Variants in AHI1 observed in about 807,000 individuals in gnomAD.
The protein encoded by AHI1 is jouberin.
Under a neutral mutation model 149.3 loss-of-function variants are expected in AHI1, and 123 were observed. The observed-to-expected ratio is 0.82, with a 90% CI of 0.71 to 0.96. The LOEUF (loss-of-function observed/expected upper bound fraction) is 0.96, where lower values mean the gene tolerates loss of function less well. Ranked by LOEUF, AHI1 falls within the 40% of genes least tolerant of loss-of-function variation. The probability of loss-of-function intolerance (pLI) is 0.00; values close to 1 mark genes in which losing one functional copy is unlikely to be tolerated. For missense variants in AHI1, 1,439 were observed against 1,422.7 expected (o/e 1.01, Z -0.18); for synonymous variants, 475 against 459.8 (o/e 1.03, Z -0.42).
chr6:135,458,681 C>A (rs186308181), intron 8 of AHI1, among the ~76,000 whole-genome samples: 3 of 152,068 alleles, frequency 2.0e-5, no homozygotes, highest in South Asian at 2.1e-4. Context: ...GAGAAACCAG[C>A]GGATATTTTG....
chr6:135,414,064 C>A (rs901520582), intron 20 of AHI1, among the ~76,000 whole-genome samples: 2 of 152,090 alleles, frequency 1.3e-5, no homozygotes, highest in Non-Finnish European at 2.9e-5. Flanking sequence ...GAAAAGAATA[C>A]CTGACTTCAA....
intron 25 of AHI1, among the ~76,000 whole-genome samples, chr6:135,318,855 AT>A (rs1249727569): frequency 6.6e-6 from 1 of 152,194 alleles, no homozygotes; most frequent in African/African-American, 2.4e-5. Flanking sequence ...AGAAGGTGTC[AT>A]TTTCACTTAT....
intron 23 of AHI1, among the ~76,000 whole-genome samples, chr6:135,363,800 T>TG (rs1794362132): frequency 7.7e-6 from 1 of 129,054 alleles, no homozygotes; most frequent in South Asian, 2.7e-4. Flanking sequence ...GACGGGGTGG[T>TG]GGCCGGGCAG....
At position 135,355,892 on chromosome 6, in the gene AHI1, CTG is replaced by C. The variant is rs549790650; in HGVS notation, c.3165+2238_3165+2239del. Among the ~76,000 whole-genome samples the C allele has an allele frequency of 1.9e-3, 283 of 151,770 alleles. 1 individual carries two copies. The highest frequency in any genetic ancestry group is 6.7e-3 in the African/African-American group (275 of 41,194). ...CCAGCCTGGGCAACAGAGCGAGACT[CTG>C]TCTCAAAAAAACAAACAAACAAACA... On this transcript the variant is annotated intron_variant, in intron 24 of 28. Coordinates refer to ENST00000265602, the MANE Select transcript of AHI1 (RefSeq NM_001134831.2).
intron 13 of AHI1, among the ~76,000 whole-genome samples, chr6:135,443,224 G>A (rs574051806): frequency 2.6e-5 from 4 of 152,064 alleles, no homozygotes; most frequent in African/African-American, 9.6e-5. Context: ...GTAATCAATC[G>A]GCCCTTATTG....
intron 5 of AHI1, 128 bp from the exon 6 acceptor site, chr6:135,467,762 G>C: frequency 1.7e-6 from 1 of 586,820 alleles, no homozygotes. Flanking sequence ...TGGACATAGT[G>C]ATACTATCTT....
chr6:135,285,250 T>A lies in AHI1; in HGVS notation c.*395A>T, dbSNP rs1010506274. On this transcript the variant is annotated 3_prime_UTR_variant, in exon 29 of 29. Transcript: ENST00000265602. ...GGGCATAGCATCACACATACAACCATTACCAATATAATAATATTAAATGAT... is the reference window on the plus strand; with the variant it reads ...GGGCATAGCATCACACATACAACCAATACCAATATAATAATATTAAATGAT... The A allele has an allele frequency of 1.3e-5, 3 of 233,596 alleles. No individual in the cohort carries two copies. Among genetic ancestry groups the A allele is most frequent in the African/African-American group, 7.1e-5 (3 of 42,200 alleles). The allele number at this position is 233,596 out of a possible 1,614,324, so 14.5% of individuals were successfully genotyped here.
At chr6:135,466,545 C>T (rs1019081250) in intron 6 of AHI1, among the ~76,000 whole-genome samples, 172 bp from the exon 7 acceptor site, 1 of 152,132 alleles carries the variant, frequency 6.6e-6, no homozygotes, top group African/African-American at 2.4e-5. Flanking sequence ...ATAATTTATG[C>T]TTCCAGAATT....
chr6:135,482,454 T>C (rs1486807951), intron 5 of AHI1, among the ~76,000 whole-genome samples: 2 of 151,806 alleles, frequency 1.3e-5, no homozygotes, highest in Non-Finnish European at 2.9e-5. Context: ...GGACAGGCCA[T>C]GCCAGCCCAC....
chr6:135,435,819 T>C (rs1018689064), intron 15 of AHI1, among the ~76,000 whole-genome samples: 7 of 152,070 alleles, frequency 4.6e-5, no homozygotes, highest in Admixed American at 3.9e-4. Context: ...GCAAACGCAA[T>C]AGAGAGGACG....
At chr6:135,380,144 A>T (rs529384131) in intron 23 of AHI1, among the ~76,000 whole-genome samples, 1 of 149,296 alleles carries the variant, frequency 6.7e-6, no homozygotes, top group Admixed American at 6.7e-5. Flanking sequence ...ACCCAACCCT[A>T]CTCCTCAGGT....
chr6:135,294,291 A>G lies in AHI1; in HGVS notation c.3486-3766T>C, dbSNP rs187623183. ...TAGTGAGCCGAGATCATGCCATTGC[A>G]CTCCAGCCCGGGTGACAGTGCAAGA... On this transcript the variant is annotated intron_variant, in intron 27 of 28. Transcript: ENST00000265602. Among the ~76,000 whole-genome samples, 5 of 152,080 alleles carry G rather than the reference A, an allele frequency of 3.3e-5. 1 individual carries two copies. The highest frequency in any genetic ancestry group is 1.3e-4 in the Admixed American group (2 of 15,272).
In AHI1 at chr6:135,300,197, T is replaced by C. The variant is rs1159119805; in HGVS notation, c.3485+303A>G. Among the ~76,000 whole-genome samples the C allele has an allele frequency of 2.6e-5, 4 of 151,916 alleles. No homozygotes were observed. The East Asian group carries it at 7.7e-4, about 29-fold the overall frequency. On this transcript the variant is annotated intron_variant, in intron 27 of 28. Coordinates refer to ENST00000265602, the MANE Select transcript of AHI1 (RefSeq NM_001134831.2). ...AAAATTAGCTGGGTGCGGAGGTGCG[T>C]GCCTGTAATCCCAGCTACTTGGGAG...
chr6:135,481,461 A>G (rs1041496003), intron 5 of AHI1, among the ~76,000 whole-genome samples: 1 of 152,082 alleles, frequency 6.6e-6, no homozygotes, highest in African/African-American at 2.4e-5. Flanking sequence ...AAAACGCTCA[A>G]ATGAGCATTT....
chr6:135,309,088 A>G (rs1184787695), intron 26 of AHI1, among the ~76,000 whole-genome samples: 1 of 152,232 alleles, frequency 6.6e-6, no homozygotes, highest in African/African-American at 2.4e-5. Context: ...AAGCAGTCAA[A>G]CAAGTTGCCA....
At chr6:135,304,359 C>G (rs532665077) in intron 26 of AHI1, among the ~76,000 whole-genome samples, 1 of 152,184 alleles carries the variant, frequency 6.6e-6, no homozygotes, top group Non-Finnish European at 1.5e-5. Flanking sequence ...GGCCTGATTT[C>G]AGAATTACTG....
intron 20 of AHI1, among the ~76,000 whole-genome samples, chr6:135,424,721 A>T (rs1164446346): frequency 6.6e-6 from 1 of 152,028 alleles, no homozygotes; most frequent in Non-Finnish European, 1.5e-5. Context: ...TGAAAGATGG[A>T]TGATACATTT....
intron 26 of AHI1, among the ~76,000 whole-genome samples, chr6:135,311,481 A>C (rs1359333590): frequency 6.6e-6 from 1 of 152,156 alleles, no homozygotes; most frequent in African/African-American, 2.4e-5. Context: ...AGCAGGACAG[A>C]AGACTAATTT....
intron 24 of AHI1, among the ~76,000 whole-genome samples, chr6:135,339,751 G>T (rs1790004073): frequency 6.6e-6 from 1 of 152,058 alleles, no homozygotes; most frequent in African/African-American, 2.4e-5. Context: ...CAGAGAAAGG[G>T]GAAAAATGAC....
Sources: gnomAD v4.1 joint callset for allele counts (sites outside exome capture counted in the v4.1 genomes callset) on GRCh38, gnomAD v4.1.1 for gene constraint, MANE v1.5 for transcripts, NCBI Gene and HGNC (gene_info 2026-07-23, HGNC 2026-07-21) for gene names.